CDH20: variants seen among roughly 807,000 people sequenced by gnomAD.
CDH20 encodes cadherin-20.
In CDH20, 29 loss-of-function variants were observed where a neutral mutation model predicts 74.2. The ratio of observed to expected loss-of-function variants is 0.39; its 90% CI spans 0.29 to 0.53. The LOEUF (loss-of-function observed/expected upper bound fraction) is 0.53. Ranked by LOEUF, CDH20 falls within the 20% of genes least tolerant of loss-of-function variation. The pLI is 0.69. For synonymous variants in CDH20, 469 were observed against 405.4 expected (o/e 1.16, Z -1.88); for missense variants, 988 against 1,048.3 (o/e 0.94, Z 0.79).
intron 1 of CDH20, among the ~76,000 whole-genome samples, chr18:61,380,480 T>C (rs1173400792): frequency 6.6e-6 from 1 of 152,220 alleles, no homozygotes; most frequent in African/African-American, 2.4e-5. Context: ...CCAGTCCATA[T>C]TTTCATGTTT....
chr18:61,541,806 G>T (rs1263341461), intron 9 of CDH20, among the ~76,000 whole-genome samples: 2 of 152,194 alleles, frequency 1.3e-5, no homozygotes, highest in Admixed American at 6.5e-5. Flanking sequence ...CAGCCTTGAA[G>T]GAAGCCCATA....
chr18:61,343,425 A>G (rs924737836), intron 1 of CDH20, among the ~76,000 whole-genome samples: 2 of 152,230 alleles, frequency 1.3e-5, no homozygotes, highest in African/African-American at 4.8e-5. Context: ...TGCCAGTGAG[A>G]AAAGCAAACA....
At chr18:61,433,660 G>A (rs1484931731) in intron 1 of CDH20, among the ~76,000 whole-genome samples, 1 of 152,122 alleles carries the variant, frequency 6.6e-6, no homozygotes, top group Non-Finnish European at 1.5e-5. Flanking sequence ...GAGCTCCAAG[G>A]AACAATCTAA....
At chr18:61,550,943 G>A (rs974568790) in intron 11 of CDH20, among the ~76,000 whole-genome samples, 3 of 152,174 alleles carry the variant, frequency 2.0e-5, no homozygotes, top group Non-Finnish European at 4.4e-5. Context: ...AAGCTGTTTG[G>A]GGTGATTAGT....
intron 1 of CDH20, among the ~76,000 whole-genome samples, chr18:61,421,038 G>A (rs1057170315): frequency 1.9e-4 from 29 of 152,084 alleles, no homozygotes; most frequent in African/African-American, 3.1e-4. Flanking sequence ...GTGACAGAGC[G>A]ATACTGTCTC....
chr18:61,497,629 A>G (rs1257842810), intron 2 of CDH20, among the ~76,000 whole-genome samples: 1 of 152,198 alleles, frequency 6.6e-6, no homozygotes, highest in African/African-American at 2.4e-5. Context: ...CTATAATGGG[A>G]AAAGCACTGT....
At chr18:61,454,438 G>A (rs61524155) in intron 1 of CDH20, among the ~76,000 whole-genome samples, 17,878 of 152,138 alleles carry the variant, frequency 0.12, 1,227 homozygotes, top group Middle Eastern at 0.22. Context: ...GAAAAGGGAG[G>A]AATAAAAACT....
intron 1 of CDH20, among the ~76,000 whole-genome samples, chr18:61,375,482 A>G (rs944708285): frequency 6.6e-6 from 1 of 152,168 alleles, no homozygotes; most frequent in African/African-American, 2.4e-5. Context: ...GTGAAAAACA[A>G]TCCTTCGTGC....
intron 1 of CDH20, among the ~76,000 whole-genome samples, chr18:61,469,651 A>G (rs1300218239): frequency 6.6e-6 from 1 of 152,240 alleles, no homozygotes; most frequent in Non-Finnish European, 1.5e-5. Context: ...AGCTTGTGGC[A>G]TTTTGTAGAT....
At chr18:61,537,959 G>T (rs1301137216) in intron 8 of CDH20, among the ~76,000 whole-genome samples, 1 of 152,082 alleles carries the variant, frequency 6.6e-6, no homozygotes, top group Non-Finnish European at 1.5e-5. Flanking sequence ...TCTCCTTGGG[G>T]TGGTGACCAA....
rs1474511462 is a variant in CDH20, at chr18:61,555,779, A to T, written c.*1084A>T. The T allele has an allele frequency of 1.1e-6, 1 of 950,884 alleles. No homozygotes were observed. Among genetic ancestry groups the T allele is most frequent in the African/African-American group, 1.8e-5 (1 of 56,536 alleles). 58.9% of individuals were successfully genotyped at this position (950,884 alleles called of 1,614,324 possible). ...TTAATAAAAGTTAAATAGAAGGAAA[A>T]GTCTATTGTGAATTTGTTTAATTGC... is the stretch of plus-strand genomic sequence containing the variant. On this transcript the variant is annotated 3_prime_UTR_variant, in exon 12 of 12. Coordinates refer to ENST00000262717, the MANE Select transcript of CDH20 (RefSeq NM_031891.4).
At chr18:61,433,252 G>T (rs73447322) in intron 1 of CDH20, among the ~76,000 whole-genome samples, 1 of 152,078 alleles carries the variant, frequency 6.6e-6, no homozygotes, top group African/African-American at 2.4e-5. Flanking sequence ...AGAATAAATG[G>T]CAAGTGTTAC....
intron 1 of CDH20, among the ~76,000 whole-genome samples, chr18:61,349,527 G>A (rs1299712264): frequency 6.6e-6 from 1 of 152,150 alleles, no homozygotes. Context: ...AAAGAAGTAT[G>A]CCCTTTTCAC....
At position 61,554,894 on chromosome 18, in the gene CDH20, G is replaced by A. The variant is rs180785121; in HGVS notation, c.*199G>A. 7.9e-6 allele frequency: 11 copies of A among 1,384,324 alleles called. No individual in the cohort carries two copies. The highest frequency in any genetic ancestry group is 5.8e-5 in the African/African-American group (4 of 69,388). The allele number at this position is 1,384,324 out of a possible 1,614,324, so 85.8% of individuals were successfully genotyped here. A position where few individuals can be genotyped will look rare whatever the true frequency, so the allele number is the denominator to read the frequency against. On this transcript the variant is annotated 3_prime_UTR_variant, in exon 12 of 12. Transcript: ENST00000262717. Reference sequence around the variant, plus strand: ...GCAAAAGGAAACCCAGAAGGAAGAGGGCAGAATCTTTAATTACCTTTTTTT... The same window carrying A: ...GCAAAAGGAAACCCAGAAGGAAGAGAGCAGAATCTTTAATTACCTTTTTTT...
chr18:61,517,906 C>T (rs190933037), intron 6 of CDH20, among the ~76,000 whole-genome samples: 2 of 152,216 alleles, frequency 1.3e-5, no homozygotes, highest in Admixed American at 1.3e-4. Flanking sequence ...AGTCTGTAGT[C>T]GACCTGGGAC....
At chr18:61,363,801 T>C (rs896463625) in intron 1 of CDH20, among the ~76,000 whole-genome samples, 1 of 152,212 alleles carries the variant, frequency 6.6e-6, no homozygotes, top group Non-Finnish European at 1.5e-5. Context: ...TTTTATTACA[T>C]CAAAGTTGGT....
chr18:61,429,826 G>A (rs983381597), intron 1 of CDH20, among the ~76,000 whole-genome samples: 10 of 152,190 alleles, frequency 6.6e-5, no homozygotes, highest in South Asian at 2.1e-4. Context: ...GATGGTTTAC[G>A]ATTATTATTT....
intron 1 of CDH20, among the ~76,000 whole-genome samples, chr18:61,399,916 C>T (rs1912103023): frequency 6.6e-6 from 1 of 152,186 alleles, no homozygotes; most frequent in Non-Finnish European, 1.5e-5. Flanking sequence ...ATTATTCTGT[C>T]AGTTTTAATT....
At chr18:61,347,319 TACACACACACACACAC>T (rs33985303) in intron 1 of CDH20, among the ~76,000 whole-genome samples, 5 of 77,406 alleles carry the variant, frequency 6.5e-5, no homozygotes, top group African/African-American at 2.9e-4. Flanking sequence ...TATATATATA[TACACACACACACACAC>T]ACACACACAC....
Sources: gnomAD v4.1 joint callset for allele counts (sites outside exome capture counted in the v4.1 genomes callset) on GRCh38, gnomAD v4.1.1 for gene constraint, MANE v1.5 for transcripts, NCBI Gene and HGNC (gene_info 2026-07-23, HGNC 2026-07-21) for gene names.